PRKD2: variants seen among roughly 807,000 people sequenced by gnomAD.
PRKD2 encodes protein kinase D2.
A neutral mutation model predicts 86.0 loss-of-function variants in PRKD2; 22 were observed. The ratio of observed to expected loss-of-function variants is 0.26; its 90% CI spans 0.18 to 0.37. The LOEUF (loss-of-function observed/expected upper bound fraction) is 0.37. Among genes scored for constraint, PRKD2 ranks in the 10% least tolerant of loss-of-function variants. PRKD2 has a pLI of 1.00. For missense variants in PRKD2, 818 were observed against 1,199.2 expected (o/e 0.68, Z 4.70); for synonymous variants, 509 against 510.9 (o/e 1.00, Z 0.05).
At position 46,714,012 on chromosome 19, in the gene PRKD2, G is replaced by T; in HGVS notation, c.241-11C>A. 1.2e-6 allele frequency: 2 copies of T among 1,612,184 alleles called. No individual in the cohort carries two copies. Among genetic ancestry groups the T allele is most frequent in the Non-Finnish European group, 8.5e-7 (1 of 1,178,930 alleles). On this transcript the variant is annotated splice_polypyrimidine_tract_variant and intron_variant, in intron 1 of 17. Coordinates refer to ENST00000291281, the MANE Select transcript of PRKD2 (RefSeq NM_016457.5). ...GCCACACTCAGGGAACTGAGGGGCG[G>T]GAGAGGGATGTGGCGACGGAAAAGC...
intron 14 of PRKD2, among the ~76,000 whole-genome samples, chr19:46,684,031 T>G (rs1301960522): frequency 1.4e-5 from 1 of 72,930 alleles, no homozygotes; most frequent in East Asian, 3.1e-4. Flanking sequence ...CCAGAAGCAA[T>G]TGTACAACTG....
intron 9 of PRKD2, among the ~76,000 whole-genome samples, chr19:46,696,831 G>A (rs1016299263): frequency 2.0e-5 from 3 of 152,154 alleles, no homozygotes; most frequent in African/African-American, 7.2e-5. Context: ...TATATACCAC[G>A]CCTTAAGCCA....
chr19:46,713,829 A>G (rs1277508028), intron 2 of PRKD2, 34 bp downstream of exon 2: 1 of 634,868 alleles, frequency 1.6e-6, no homozygotes. Context: ...CCCCCACCCG[A>G]GGCCCCGCCC....
Position 46,678,232 on chromosome 19 carries a change from GCTC to G in PRKD2, c.2338+161_2338+163del, listed in dbSNP as rs1475080939. 9.0e-7 allele frequency: 1 copy of G among 1,108,012 alleles called. No individual in the cohort carries two copies. Among genetic ancestry groups the G allele is most frequent in the African/African-American group, 1.6e-5 (1 of 63,756 alleles). 68.6% of individuals were successfully genotyped at this position (1,108,012 alleles called of 1,614,324 possible). A position where few individuals can be genotyped will look rare whatever the true frequency, so the allele number is the denominator to read the frequency against. Reference sequence around the variant, plus strand: ...GTCCCAGCCCATCTTTTACAGGACGGCTCCTCCTGTAGCCACATCCCTCCAGTA... The same window carrying G: ...GTCCCAGCCCATCTTTTACAGGACGGCTCCTGTAGCCACATCCCTCCAGTA... On this transcript the variant is annotated intron_variant, in intron 16 of 17. Transcript: ENST00000291281. This position sits in a 1 kb window ranked among gnomAD's most constrained non-coding sequence, Gnocchi z 5.7.
In PRKD2 at chr19:46,674,535, G is replaced by A. The variant is rs1348424216; in HGVS notation, c.2625C>T (p.Ile875=). 2.9e-5 allele frequency: 46 copies of A among 1,612,476 alleles called. No homozygotes were observed. Among genetic ancestry groups the A allele is most frequent in the Non-Finnish European group, 3.7e-5 (44 of 1,179,610 alleles). The change falls in exon 18 of 18, where the codon ATC becomes ATT. Residue 875 remains isoleucine (I), a synonymous_variant. Coordinates refer to ENST00000291281, the MANE Select transcript of PRKD2 (RefSeq NM_016457.5). ...DHDMQGLAER[I]SVL is the part of the protein sequence containing the mutation. The stretch of plus-strand genomic sequence containing the variant: ...AGGGCACAGGACCTCAGAGAACACT[G>A]ATGCGCTCCGCCAGCCCCTGCATGT...
chr19:46,716,221 C>G lies in PRKD2; in HGVS notation c.150G>C (p.Gln50His), dbSNP rs1568741687. The G allele has an allele frequency of 9.9e-6, 16 of 1,609,754 alleles. No homozygotes were observed. The highest frequency in any genetic ancestry group is 1.3e-5 in the African/African-American group (1 of 74,340). Reference protein sequence around the residue: ...APGSGVSFHIQIGLTREFVLL... With the variant: ...APGSGVSFHIHIGLTREFVLL... ...GCACGAACTCGCGGGTCAGCCCGATCTGGATGTGAAAGGAGACCCCGGAAC... is the reference window on the plus strand; with the variant it reads ...GCACGAACTCGCGGGTCAGCCCGATGTGGATGTGAAAGGAGACCCCGGAAC... The change falls in exon 1 of 18, where the codon CAG becomes CAC. Residue 50 changes from glutamine to histidine, a missense_variant. Coordinates refer to ENST00000291281, the MANE Select transcript of PRKD2 (RefSeq NM_016457.5). This position sits in a 1 kb window ranked among gnomAD's most constrained non-coding sequence, Gnocchi z 7.9.
chr19:46,700,232 G>A (rs187501296), intron 7 of PRKD2, among the ~76,000 whole-genome samples: 4 of 151,786 alleles, frequency 2.6e-5, no homozygotes, highest in Non-Finnish European at 5.9e-5. Context: ...GCGAAACGCC[G>A]TCTAAAATTA....
chr19:46,699,123 CTT>C (rs1196422464), intron 7 of PRKD2, among the ~76,000 whole-genome samples: 1 of 152,140 alleles, frequency 6.6e-6, no homozygotes, highest in Non-Finnish European at 1.5e-5. Flanking sequence ...ACATGGGTCT[CTT>C]TGCTGTCCCT....
chr19:46,716,401 C>T lies in PRKD2; in HGVS notation c.-31G>A, dbSNP rs1290457756. 1.5e-6 allele frequency: 2 copies of T among 1,366,716 alleles called. No homozygotes were observed. The highest frequency in any genetic ancestry group is 1.5e-5 in the African/African-American group (1 of 64,738). The allele number at this position is 1,366,716 out of a possible 1,614,324, so 84.7% of individuals were successfully genotyped here. A position where few individuals can be genotyped will look rare whatever the true frequency, so the allele number is the denominator to read the frequency against. ...GAGGCCGGGGACCGGCCGCCTGGAG[C>T]CCACCCGGGACCCGGCCGGGGGGCC... On this transcript the variant is annotated 5_prime_UTR_variant, in exon 1 of 18. Coordinates refer to ENST00000291281, the MANE Select transcript of PRKD2 (RefSeq NM_016457.5). This position sits in a 1 kb window ranked among gnomAD's most constrained non-coding sequence, Gnocchi z 7.9.
At chr19:46,681,892 G>GATCA in intron 14 of PRKD2, 144 bp from the exon 15 acceptor site, 2 of 559,680 alleles carry the variant, frequency 3.6e-6, no homozygotes, top group Non-Finnish European at 6.4e-6. Context: ...CAGGCTGGAA[G>GATCA]TGCAGTGGCA....
At chr19:46,711,221 C>T (rs539865534) in intron 2 of PRKD2, among the ~76,000 whole-genome samples, 183 bp from the exon 3 acceptor site, 1 of 152,304 alleles carries the variant, frequency 6.6e-6, no homozygotes, top group East Asian at 1.9e-4. Flanking sequence ...CTGAACAAAA[C>T]ACATATATCC....
chr19:46,680,155 C>T (rs192396862), intron 15 of PRKD2, among the ~76,000 whole-genome samples: 141 of 152,274 alleles, frequency 9.3e-4, no homozygotes, highest in Admixed American at 3.9e-3. Context: ...AAACCAGCCA[C>T]GCCTCAACCC....
chr19:46,708,986 T>TTG (rs2053761778), intron 3 of PRKD2, among the ~76,000 whole-genome samples: 1 of 149,826 alleles, frequency 6.7e-6, no homozygotes, highest in Non-Finnish European at 1.5e-5. Flanking sequence ...TTTTTTTTTT[T>TTG]TTTTTTTTTG....
At chr19:46,677,850 C>A (rs2053233055) in intron 16 of PRKD2, among the ~76,000 whole-genome samples, 1 of 152,182 alleles carries the variant, frequency 6.6e-6, no homozygotes. Flanking sequence ...CCTAGACTGG[C>A]TCCCTTGGTC....
chr19:46,715,549 G>C (rs902568014), intron 1 of PRKD2, among the ~76,000 whole-genome samples: 2 of 152,182 alleles, frequency 1.3e-5, no homozygotes, highest in Non-Finnish European at 2.9e-5. Context: ...GGGGACCCTG[G>C]TGTCCAAAAT....
intron 15 of PRKD2, among the ~76,000 whole-genome samples, chr19:46,680,497 C>G (rs975626566): frequency 6.6e-6 from 1 of 151,948 alleles, no homozygotes; most frequent in Non-Finnish European, 1.5e-5. Flanking sequence ...CCATGTTAGC[C>G]AGACTGGTAT....
At chr19:46,710,850 T>TCCGCCCCCGGTGCAGAGCC in intron 3 of PRKD2, 57 bp downstream of exon 3, 2 of 1,498,630 alleles carry the variant, frequency 1.3e-6, no homozygotes, top group Non-Finnish European at 1.8e-6. Context: ...ACCATTACGC[T>TCCGCCCCCGGTGCAGAGCC]CCGCCCCCGG....
intron 15 of PRKD2, among the ~76,000 whole-genome samples, chr19:46,681,207 C>T (rs1473127842): frequency 6.8e-5 from 10 of 148,122 alleles, no homozygotes; most frequent in Admixed American, 2.7e-4. Flanking sequence ...CTGCCCGCCT[C>T]GGCCTCCCAA....
chr19:46,687,589 G>A (rs891348352), intron 14 of PRKD2, among the ~76,000 whole-genome samples: 3 of 152,192 alleles, frequency 2.0e-5, no homozygotes, highest in African/African-American at 7.2e-5. Flanking sequence ...AGCACCTACT[G>A]CACAGGTTAC....
Sources: allele counts gnomAD v4.1 joint callset (sites outside exome capture counted in the v4.1 genomes callset), GRCh38; gene constraint gnomAD v4.1.1; non-coding constraint Gnocchi (gnomAD v3.1); transcripts MANE v1.5; gene names NCBI Gene and HGNC (gene_info 2026-07-23, HGNC 2026-07-21).